The following COG4 variants were observed in gnomAD, a reference collection of about 807,000 sequenced individuals.
COG4 encodes the protein conserved oligomeric Golgi complex subunit 4.
In COG4, 65 loss-of-function variants were observed where a neutral mutation model predicts 95.1. That is an observed-to-expected ratio of 0.68 (90% CI 0.56 to 0.84). The LOEUF (loss-of-function observed/expected upper bound fraction) is 0.84. Among genes scored for constraint, COG4 ranks in the 40% least tolerant of loss-of-function variants. The pLI, the probability that COG4 is intolerant of heterozygous loss-of-function variation, is 0.00. For missense variants in COG4, 1,045 were observed against 989.1 expected (o/e 1.06, Z -0.76); for synonymous variants, 421 against 374.8 (o/e 1.12, Z -1.42).
intron 8 of COG4, among the ~76,000 whole-genome samples, chr16:70,507,499 A>G (rs567529237): frequency 1.3e-5 from 2 of 152,118 alleles, no homozygotes; most frequent in South Asian, 4.1e-4. Flanking sequence ...CTAGGTGTGT[A>G]GTAGGCTAAG....
intron 1 of COG4, among the ~76,000 whole-genome samples, chr16:70,522,012 T>A (rs2049956247): frequency 6.7e-6 from 1 of 150,110 alleles, no homozygotes; most frequent in African/African-American, 2.5e-5. Context: ...TTTTTTTTTT[T>A]AAGAGACACA....
chr16:70,502,554 T>C (rs1017638573), intron 8 of COG4, among the ~76,000 whole-genome samples: 1 of 150,578 alleles, frequency 6.6e-6, no homozygotes, highest in Admixed American at 6.6e-5. Context: ...TGAGCTGAGA[T>C]CACGCCATTG....
rs1957757712 is a variant in COG4, at chr16:70,483,917, G to A, written c.1763C>T (p.Ala588Val). 3.7e-6 allele frequency: 6 copies of A among 1,613,180 alleles called. No homozygotes were observed. In the African/African-American group the frequency reaches 4.0e-5, roughly 11 times the overall value. Residue 588 changes from alanine to valine, a missense_variant, in exon 14 of 19, where the codon GCC becomes GTC. Coordinates refer to ENST00000323786, the MANE Select transcript of COG4 (RefSeq NM_015386.3). ...GTCAGAAAGGCAGCTGTCAAACTTG[G>A]CCTGGGCCTGCTCCCCTCCAATGCC... ...SQGIGGEQAQ[A>V]KFDSCLSDLA...
chr16:70,506,005 G>A (rs764038586), intron 8 of COG4, among the ~76,000 whole-genome samples: 5 of 151,844 alleles, frequency 3.3e-5, no homozygotes, highest in Non-Finnish European at 7.4e-5. Flanking sequence ...AATTGGCCGG[G>A]TATGGTGGCT....
At chr16:70,519,599 T>C (rs1369928572) in intron 2 of COG4, 50 bp downstream of exon 2, 7 of 1,372,510 alleles carry the variant, frequency 5.1e-6, no homozygotes, top group African/African-American at 2.8e-5. Context: ...ACTTGTCCAA[T>C]TGACCCTGTT....
intron 1 of COG4, among the ~76,000 whole-genome samples, 182 bp from the exon 2 acceptor site, chr16:70,519,913 G>C (rs1239180603): frequency 6.6e-6 from 1 of 152,100 alleles, no homozygotes; most frequent in Admixed American, 6.5e-5. Context: ...GTTATCTTAC[G>C]TATATCTTAT....
intron 1 of COG4, 101 bp downstream of exon 1, chr16:70,523,272 T>G: frequency 7.0e-7 from 1 of 1,422,688 alleles, no homozygotes; most frequent in South Asian, 1.2e-5. Context: ...CGCTTTTTTG[T>G]ATCCCCCAGC....
intron 4 of COG4, among the ~76,000 whole-genome samples, chr16:70,512,850 C>T (rs958791666): frequency 3.3e-5 from 5 of 152,124 alleles, no homozygotes; most frequent in Admixed American, 1.3e-4. Context: ...TGGTGGCATG[C>T]GCCTGTAGTC....
chr16:70,497,623 A>T (rs1014993158), intron 10 of COG4, among the ~76,000 whole-genome samples: 1 of 152,174 alleles, frequency 6.6e-6, no homozygotes, highest in Non-Finnish European at 1.5e-5. Flanking sequence ...GGAGTGTAAG[A>T]TATCTGCAGG....
At chr16:70,481,249 G>A in intron 18 of COG4, 105 bp from the exon 19 acceptor site, 2 of 1,606,524 alleles carry the variant, frequency 1.2e-6, no homozygotes, top group South Asian at 2.2e-5. Context: ...AGGGGAAGGT[G>A]TCCTATAGAG....
intron 12 of COG4, among the ~76,000 whole-genome samples, chr16:70,492,979 C>T (rs1255308686): frequency 6.6e-6 from 1 of 152,074 alleles, no homozygotes; most frequent in Non-Finnish European, 1.5e-5. Flanking sequence ...AAAAAAGTAG[C>T]ATGGGGCAAA....
chr16:70,486,551 AT>A (rs1398179399), intron 13 of COG4, among the ~76,000 whole-genome samples: 20 of 152,148 alleles, frequency 1.3e-4, no homozygotes, highest in African/African-American at 4.8e-4. Context: ...GGCAGCTGGG[AT>A]TTACGGGAAT....
chr16:70,490,715 G>C (rs1177837317), intron 12 of COG4, among the ~76,000 whole-genome samples: 3 of 151,796 alleles, frequency 2.0e-5, no homozygotes, highest in African/African-American at 7.3e-5. Flanking sequence ...ATGGAGTCTG[G>C]CTCTGTCACC....
chr16:70,523,135 G>C, intron 1 of COG4: 6 of 563,144 alleles, frequency 1.1e-5, no homozygotes, highest in Non-Finnish European at 3.2e-6. Flanking sequence ...AAATCAACGG[G>C]GGTCTAGGGA....
Position 70,497,349 on chromosome 16 carries a change from T to C in COG4, c.1353A>G (p.Thr451=), listed in dbSNP as rs1260926021. 3 of 1,613,972 alleles carry C rather than the reference T, an allele frequency of 1.9e-6. No homozygotes were observed. Among genetic ancestry groups the C allele is most frequent in the Non-Finnish European group, 2.5e-6 (3 of 1,180,026 alleles). The change falls in exon 11 of 19, where the codon ACA becomes ACG. Residue 451 remains threonine (T), a synonymous_variant. Coordinates refer to ENST00000323786, the MANE Select transcript of COG4 (RefSeq NM_015386.3). The part of the protein sequence containing the change: ...ALDTYEKGQL[T]SSMVDDVFYI... ...AGAAGACATCATCCACCATGCTGGA[T>C]GTCAGCTGGCCCTTCTCATAGGTGT... is the stretch of plus-strand genomic sequence containing the variant.
intron 16 of COG4, 80 bp downstream of exon 16, chr16:70,482,012 A>T: frequency 7.2e-7 from 1 of 1,382,134 alleles, no homozygotes; most frequent in Non-Finnish European, 1.0e-6. Flanking sequence ...CCCCAGAAGG[A>T]ATGTGATGAG....
In COG4 at chr16:70,484,346, A is replaced by C. The variant is rs538986852; in HGVS notation, c.1711-377T>G. Among the ~76,000 whole-genome samples, 15 of 152,298 alleles carry C rather than the reference A, an allele frequency of 9.8e-5. No individual in the cohort carries two copies. The South Asian group carries it at 2.9e-3, about 29-fold the overall frequency. ...ATGGGAACACCAATTCCTGCTCCTC[A>C]TGTATGAGATGAAGCACAACGTGCC... On this transcript the variant is annotated intron_variant, in intron 13 of 18. Coordinates refer to ENST00000323786, the MANE Select transcript of COG4 (RefSeq NM_015386.3).
Position 70,480,869 on chromosome 16 carries a change from T to G in COG4, c.*141A>C. 1.0e-6 allele frequency: 1 copy of G among 1,000,320 alleles called. No homozygotes were observed. The highest frequency in any genetic ancestry group is 1.5e-6 in the Non-Finnish European group (1 of 654,728). 62.0% of individuals were successfully genotyped at this position (1,000,320 alleles called of 1,614,324 possible). A position where few individuals can be genotyped will look rare whatever the true frequency, so the allele number is the denominator to read the frequency against. ...GCAGAGCATGGAGTGGGTCCAGACTTTGTTTCTCTGCTGCCAGCCGTAGAA... is the reference window on the plus strand; with the variant it reads ...GCAGAGCATGGAGTGGGTCCAGACTGTGTTTCTCTGCTGCCAGCCGTAGAA... On this transcript the variant is annotated 3_prime_UTR_variant, in exon 19 of 19. Transcript: ENST00000323786.
chr16:70,503,168 C>T (rs912339269), intron 8 of COG4, among the ~76,000 whole-genome samples: 3 of 152,198 alleles, frequency 2.0e-5, no homozygotes, highest in African/African-American at 7.2e-5. Flanking sequence ...CCTCCCACCT[C>T]AGCCTCCCAA....
Sources: gnomAD v4.1 joint callset for allele counts (sites outside exome capture counted in the v4.1 genomes callset) on GRCh38, gnomAD v4.1.1 for gene constraint, MANE v1.5 for transcripts, NCBI Gene and HGNC (gene_info 2026-07-23, HGNC 2026-07-21) for gene names.